Variants in ZNF670 observed in about 807,000 individuals in gnomAD.
ZNF670 encodes zinc finger protein 670.
ZNF670 carries 7 observed loss-of-function variants against 10.9 expected under a neutral mutation model. The observed-to-expected ratio is 0.64, with a 90% CI of 0.36 to 1.20. The LOEUF (loss-of-function observed/expected upper bound fraction) is 1.20. Ranked by LOEUF, ZNF670 falls within the 50% of genes most tolerant of loss-of-function variation. The probability of loss-of-function intolerance (pLI) is 0.02; values close to 1 mark genes in which losing one functional copy is unlikely to be tolerated. For synonymous variants in ZNF670, 136 were observed against 152.7 expected, an observed-to-expected ratio of 0.89 and a Z score of 0.81; for missense variants, 446 against 458.6, an observed-to-expected ratio of 0.97 and a Z score of 0.25.
intron 1 of ZNF670, among the ~76,000 whole-genome samples, chr1:247,075,947 AG>A (rs1470649692): frequency 6.6e-6 from 1 of 152,252 alleles, no homozygotes; most frequent in Non-Finnish European, 1.5e-5. Context: ...GAATATGAAT[AG>A]ATTTTTGCCC....
In ZNF670 at chr1:247,037,389, A is replaced by G. The variant is rs1381900850; in HGVS notation, c.*60T>C. 6 of 1,507,668 alleles carry G rather than the reference A, an allele frequency of 4.0e-6. No individual in the cohort carries two copies. The highest frequency in any genetic ancestry group is 2.3e-5 in the Admixed American group (1 of 42,736). 93.4% of individuals were successfully genotyped at this position (1,507,668 alleles called of 1,614,324 possible). A position where few individuals can be genotyped will look rare whatever the true frequency, so the allele number is the denominator to read the frequency against. ...TTTCACGTGTTCTAATGAAACTAGA[A>G]TAACTGAAAGCTTTAACACACTTCT... is the stretch of plus-strand genomic sequence containing the variant. On this transcript the variant is annotated 3_prime_UTR_variant, in exon 4 of 4. Transcript: ENST00000366503.
At chr1:247,046,249 G>A (rs1417283458) in intron 1 of ZNF670, among the ~76,000 whole-genome samples, 2 of 152,190 alleles carry the variant, frequency 1.3e-5, no homozygotes, top group African/African-American at 4.8e-5. Context: ...GGAGCCAGGT[G>A]CCAACAGCCA....
chr1:247,038,884 C>G lies in ZNF670; in HGVS notation c.131-14G>C. 1 of 1,600,320 alleles carries G rather than the reference C, an allele frequency of 6.2e-7. No homozygotes were observed. The highest frequency in any genetic ancestry group is 2.2e-5 in the East Asian group (1 of 44,736). On this transcript the variant is annotated splice_polypyrimidine_tract_variant and intron_variant, in intron 2 of 3. Coordinates refer to ENST00000366503, the MANE Select transcript of ZNF670 (RefSeq NM_033213.5). ...CTGATTTGTTTCCTAAAAGGTACAACCATAAGATTATTCAAATGATTAGAA... is the reference window on the plus strand; with the variant it reads ...CTGATTTGTTTCCTAAAAGGTACAAGCATAAGATTATTCAAATGATTAGAA...
chr1:247,038,324 C>T lies in ZNF670; in HGVS notation c.295G>A (p.Gly99Arg). The T allele has an allele frequency of 6.2e-7, 1 of 1,614,192 alleles. No individual in the cohort carries two copies. Among genetic ancestry groups the T allele is most frequent in the South Asian group, 1.1e-5 (1 of 91,086 alleles). Reference protein sequence around the residue: ...NLNLNKKVSTGVKPCECSVCG... With the variant: ...NLNLNKKVSTRVKPCECSVCG... ...ACACTGCATTCACATGGCTTTACTCCAGTAGAAACTTTCTTATTCAGATTC... is the reference window on the plus strand; with the variant it reads ...ACACTGCATTCACATGGCTTTACTCTAGTAGAAACTTTCTTATTCAGATTC... Residue 99 changes from glycine to arginine, a missense_variant, in exon 4 of 4, where the codon GGA (glycine) becomes AGA (arginine). Transcript: ENST00000366503.
chr1:247,048,500 AAACTGTTCC>A (rs1670512230), intron 1 of ZNF670, among the ~76,000 whole-genome samples: 1 of 152,152 alleles, frequency 6.6e-6, no homozygotes, highest in Non-Finnish European at 1.5e-5. Context: ...TGAGCCCTCC[AAACTGTTCC>A]AACCTCTGCC....
chr1:247,037,183 C>T lies in ZNF670; in HGVS notation c.*266G>A, dbSNP rs1160393955. 2.8e-6 allele frequency: 1 copy of T among 359,458 alleles called. No homozygotes were observed. Among genetic ancestry groups the T allele is most frequent in the East Asian group, 4.8e-5 (1 of 20,796 alleles). The allele number at this position is 359,458 out of a possible 1,614,324, so 22.3% of individuals were successfully genotyped here. A position where few individuals can be genotyped will look rare whatever the true frequency, so the allele number is the denominator to read the frequency against. ...AGACACCTTCTTTAACAATGAACCA[C>T]TGATAAAAATATATTTGAAAGCGGC... On this transcript the variant is annotated 3_prime_UTR_variant, in exon 4 of 4. Transcript: ENST00000366503.
At chr1:247,038,760 A>G (rs375402819) in intron 3 of ZNF670, 50 bp downstream of exon 3, 4 of 1,487,452 alleles carry the variant, frequency 2.7e-6, no homozygotes, top group Middle Eastern at 2.1e-4. Flanking sequence ...AACTTATGAC[A>G]TGCTAAGATT....
chr1:247,044,362 G>A (rs949967456), intron 1 of ZNF670, among the ~76,000 whole-genome samples: 3 of 152,216 alleles, frequency 2.0e-5, no homozygotes, highest in African/African-American at 7.2e-5. Flanking sequence ...TGGTGGGAAT[G>A]TAAATTAGTT....
chr1:247,068,828 CCA>C (rs1671050698), intron 1 of ZNF670, among the ~76,000 whole-genome samples: 2 of 62,328 alleles, frequency 3.2e-5, no homozygotes, highest in Admixed American at 1.5e-4. Context: ...TACTATTTTG[CCA>C]AAAAAAAAAA....
intron 1 of ZNF670, among the ~76,000 whole-genome samples, chr1:247,053,185 C>G (rs1670636972): frequency 6.6e-6 from 1 of 152,204 alleles, no homozygotes; most frequent in South Asian, 2.1e-4. Context: ...GGGCTGCGAT[C>G]TTGCCCCAGG....
rs577112153 is a variant in ZNF670 at position 247,059,614 on chromosome 1, T to C, written c.3+18980A>G. 2.6e-4 allele frequency among the ~76,000 whole-genome samples: 40 copies of C among 152,142 alleles called. 1 individual carries two copies. In the South Asian group the frequency reaches 8.1e-3, roughly 31 times the overall value. On this transcript the variant is annotated intron_variant, in intron 1 of 3. Coordinates refer to ENST00000366503, the MANE Select transcript of ZNF670 (RefSeq NM_033213.5). The stretch of plus-strand genomic sequence containing the variant: ...TCAACAAGATAAACAACAAAAAGTA[T>C]ATAATCATATCAATAGTTGCTGAAA...
rs149592722 is a variant in ZNF670 at position 247,068,893 on chromosome 1, G to C, written c.3+9701C>G. Among the ~76,000 whole-genome samples, 395 of 148,370 alleles carry C rather than the reference G, an allele frequency of 2.7e-3. 16 individuals are homozygous for C. Among genetic ancestry groups the C allele is most frequent in the African/African-American group, 9.7e-3 (382 of 39,224 alleles). ...TGCAGCAACAACACGGATGGAACTG[G>C]AGATCATGATGTTAAGCAAAATAAG... On this transcript the variant is annotated intron_variant, in intron 1 of 3. Coordinates refer to ENST00000366503, the MANE Select transcript of ZNF670 (RefSeq NM_033213.5).
At chr1:247,046,470 C>A (rs1472597147) in intron 1 of ZNF670, among the ~76,000 whole-genome samples, 2 of 152,202 alleles carry the variant, frequency 1.3e-5, no homozygotes, top group Non-Finnish European at 2.9e-5. Context: ...GCCACGGTTC[C>A]AGAGGGCACA....
intron 1 of ZNF670, among the ~76,000 whole-genome samples, chr1:247,068,955 T>C (rs1671054932): frequency 1.3e-5 from 2 of 150,646 alleles, no homozygotes; most frequent in South Asian, 4.1e-4. Flanking sequence ...TGTTCTCACT[T>C]ATCTGTGGGA....
chr1:247,042,356 G>C (rs1329955141), intron 1 of ZNF670, among the ~76,000 whole-genome samples: 1 of 152,210 alleles, frequency 6.6e-6, no homozygotes, highest in Non-Finnish European at 1.5e-5. Flanking sequence ...TGAACATTCT[G>C]CTAGTGGTAC....
intron 1 of ZNF670, among the ~76,000 whole-genome samples, chr1:247,055,442 A>G (rs982227819): frequency 6.6e-6 from 1 of 152,100 alleles, no homozygotes; most frequent in African/African-American, 2.4e-5. Flanking sequence ...GTCCATAAAA[A>G]TCCTGGAGCC....
At position 247,042,528 on chromosome 1, in the gene ZNF670, A is replaced by T. The variant is rs185435707; in HGVS notation, c.4-2991T>A. Among the ~76,000 whole-genome samples, 3 of 152,326 alleles carry T rather than the reference A, an allele frequency of 2.0e-5. No homozygotes were observed. The East Asian group carries it at 5.8e-4, about 29-fold the overall frequency. Reference sequence around the variant, plus strand: ...CAGGCCTGTGTTTTCTGTTGAGGGTAGGTGGAAAGCTAGGATGAGAATTCA... The same window carrying T: ...CAGGCCTGTGTTTTCTGTTGAGGGTTGGTGGAAAGCTAGGATGAGAATTCA... On this transcript the variant is annotated intron_variant, in intron 1 of 3. Transcript: ENST00000366503.
At chr1:247,078,550 G>A in intron 1 of ZNF670, 44 bp downstream of exon 1, 1 of 1,613,040 alleles carries the variant, frequency 6.2e-7, no homozygotes, top group Non-Finnish European at 8.5e-7. Context: ...GCTTCCTGGC[G>A]GTTCCCTTTT....
intron 1 of ZNF670, among the ~76,000 whole-genome samples, chr1:247,044,729 C>T (rs369821207): frequency 8.3e-4 from 127 of 152,260 alleles, no homozygotes; most frequent in African/African-American, 3.0e-3. Context: ...CACATGTTCT[C>T]ATTTATAAAT....
Sources: gnomAD v4.1 joint callset for allele counts (sites outside exome capture counted in the v4.1 genomes callset) on GRCh38, gnomAD v4.1.1 for gene constraint, MANE v1.5 for transcripts, NCBI Gene and HGNC (gene_info 2026-07-23, HGNC 2026-07-21) for gene names.